The following AGBL4 variants were observed in gnomAD, a reference collection of about 807,000 sequenced individuals.
AGBL4 encodes AGBL carboxypeptidase 4.
In AGBL4, 58 loss-of-function variants were observed where a neutral mutation model predicts 66.4. That is an observed-to-expected ratio of 0.87 (90% CI 0.71 to 1.09). The LOEUF is 1.09. Ranked by LOEUF, AGBL4 falls within the 50% of genes least tolerant of loss-of-function variation. The pLI is 0.00. For missense variants in AGBL4, 579 were observed against 631.0 expected, an observed-to-expected ratio of 0.92 and a Z score of 0.88; for synonymous variants, 234 against 222.9, an observed-to-expected ratio of 1.05 and a Z score of -0.44.
At chr1:49,329,637 G>A (rs1645292503) in intron 3 of AGBL4, among the ~76,000 whole-genome samples, 1 of 152,072 alleles carries the variant, frequency 6.6e-6, no homozygotes, top group Admixed American at 6.5e-5. Flanking sequence ...CTGCACTCCA[G>A]CCTAGGTAAC....
intron 3 of AGBL4, among the ~76,000 whole-genome samples, chr1:49,503,701 T>C (rs1465060109): frequency 1.3e-5 from 2 of 152,162 alleles, no homozygotes; most frequent in Non-Finnish European, 2.9e-5. Context: ...TACTGCCCTA[T>C]TGTATTTTGG....
chr1:49,671,114 C>T (rs962321746), intron 3 of AGBL4, among the ~76,000 whole-genome samples: 3 of 152,104 alleles, frequency 2.0e-5, no homozygotes, highest in Admixed American at 2.0e-4. Context: ...GCCAAAAAAG[C>T]ATGGTACTGG....
At chr1:48,970,259 T>G (rs1401842564) in intron 5 of AGBL4, among the ~76,000 whole-genome samples, 1 of 152,090 alleles carries the variant, frequency 6.6e-6, no homozygotes, top group Non-Finnish European at 1.5e-5. Flanking sequence ...CCCTGCCGAG[T>G]TGATTCAGGA....
intron 5 of AGBL4, among the ~76,000 whole-genome samples, chr1:49,027,366 T>G (rs928796987): frequency 6.6e-5 from 10 of 152,244 alleles, no homozygotes; most frequent in Admixed American, 2.6e-4. Context: ...TTTCACTATG[T>G]TGGCCAGGCT....
intron 3 of AGBL4, among the ~76,000 whole-genome samples, chr1:49,322,199 A>G (rs1645144007): frequency 6.6e-6 from 1 of 152,256 alleles, no homozygotes; most frequent in South Asian, 2.1e-4. Context: ...AGTTCTCAGA[A>G]GCATATGTAG....
At chr1:49,129,524 T>C (rs1261263794) in intron 4 of AGBL4, among the ~76,000 whole-genome samples, 7 of 151,486 alleles carry the variant, frequency 4.6e-5, no homozygotes, top group Non-Finnish European at 2.9e-5. Flanking sequence ...CCATGTGTTC[T>C]CATTGTTCAA....
chr1:48,596,170 C>T (rs1644991614), intron 9 of AGBL4, among the ~76,000 whole-genome samples: 1 of 152,204 alleles, frequency 6.6e-6, no homozygotes, highest in South Asian at 2.1e-4. Flanking sequence ...CTGCTGTCCT[C>T]ACAGGAGCTT....
chr1:49,207,091 A>G (rs918012955), intron 4 of AGBL4, among the ~76,000 whole-genome samples: 2 of 152,142 alleles, frequency 1.3e-5, no homozygotes, highest in East Asian at 3.9e-4. Flanking sequence ...TTGTTATGTG[A>G]TTAGGGCAAA....
intron 2 of AGBL4, among the ~76,000 whole-genome samples, chr1:49,783,546 A>G (rs1435704709): frequency 6.6e-6 from 1 of 152,176 alleles, no homozygotes; most frequent in Non-Finnish European, 1.5e-5. Flanking sequence ...AACTAATATC[A>G]TACTTAATAG....
chr1:48,968,039 G>A (rs148348844), intron 5 of AGBL4, among the ~76,000 whole-genome samples: 8 of 152,018 alleles, frequency 5.3e-5, no homozygotes, highest in African/African-American at 1.9e-4. Context: ...TTTATCCTTT[G>A]AGGGACCTAA....
At chr1:49,041,719 G>A (rs1014732521) in intron 5 of AGBL4, among the ~76,000 whole-genome samples, 12 of 152,030 alleles carry the variant, frequency 7.9e-5, no homozygotes, top group Admixed American at 6.6e-5. Context: ...TAAGAAACCC[G>A]GTATGTGTGT....
At chr1:48,638,962 A>G (rs999075256) in intron 8 of AGBL4, among the ~76,000 whole-genome samples, 4 of 152,178 alleles carry the variant, frequency 2.6e-5, no homozygotes, top group Non-Finnish European at 5.9e-5. Flanking sequence ...CTACATAACA[A>G]GTACTCTAAA....
intron 3 of AGBL4, among the ~76,000 whole-genome samples, chr1:49,324,105 G>C (rs919311198): frequency 4.6e-5 from 7 of 152,162 alleles, no homozygotes; most frequent in Admixed American, 1.3e-4. Flanking sequence ...TTCTTATCCT[G>C]AATTTCTATA....
intron 5 of AGBL4, among the ~76,000 whole-genome samples, chr1:49,032,587 A>G (rs1664319124): frequency 6.6e-6 from 1 of 152,168 alleles, no homozygotes; most frequent in African/African-American, 2.4e-5. Context: ...GAGGTGGCAC[A>G]TGGTTAGGAG....
intron 1 of AGBL4, among the ~76,000 whole-genome samples, chr1:49,857,725 T>A (rs1294822463): frequency 6.6e-6 from 1 of 152,006 alleles, no homozygotes; most frequent in Non-Finnish European, 1.5e-5. Flanking sequence ...AAAAATCAAC[T>A]CAATGTGAAT....
intron 3 of AGBL4, among the ~76,000 whole-genome samples, chr1:49,535,143 A>G (rs1651469777): frequency 6.6e-6 from 1 of 152,150 alleles, no homozygotes; most frequent in Non-Finnish European, 1.5e-5. Flanking sequence ...TCAGTGAAAC[A>G]GAGTAGAAAA....
At chr1:48,814,351 T>C (rs1400601263) in intron 6 of AGBL4, among the ~76,000 whole-genome samples, 10 of 117,464 alleles carry the variant, frequency 8.5e-5, no homozygotes, top group Non-Finnish European at 1.7e-4. Flanking sequence ...ATAATAATTG[T>C]ACATATTCAT....
intron 11 of AGBL4, among the ~76,000 whole-genome samples, chr1:48,559,451 G>C (rs139553208): frequency 1.3e-5 from 2 of 151,142 alleles, no homozygotes; most frequent in South Asian, 2.1e-4. Flanking sequence ...TGGTGTAGTA[G>C]AAAAAAAAAT....
At chr1:48,652,664 A>G (rs1049635656) in intron 8 of AGBL4, among the ~76,000 whole-genome samples, 1 of 152,230 alleles carries the variant, frequency 6.6e-6, no homozygotes, top group Non-Finnish European at 1.5e-5. Context: ...AGTCAGCTTA[A>G]TGTGAAATAA....
Sources: gnomAD v4.1 joint callset for allele counts (sites outside exome capture counted in the v4.1 genomes callset) on GRCh38, gnomAD v4.1.1 for gene constraint, MANE v1.5 for transcripts, NCBI Gene and HGNC (gene_info 2026-07-23, HGNC 2026-07-21) for gene names.